Variants in RASGEF1B observed in about 807,000 individuals in gnomAD.
The protein encoded by RASGEF1B is ras-GEF domain-containing family member 1B.
A neutral mutation model predicts 65.7 loss-of-function variants in RASGEF1B; 30 were observed. The observed-to-expected ratio is 0.46, with a 90% CI of 0.34 to 0.62. RASGEF1B has a LOEUF of 0.62. Among genes scored for constraint, RASGEF1B ranks in the 20% least tolerant of loss-of-function variants. The pLI is 0.01. For synonymous variants in RASGEF1B, 175 were observed against 194.8 expected (o/e 0.90, Z 0.85); for missense variants, 495 against 580.1 (o/e 0.85, Z 1.51).
At chr4:81,435,387 C>T (rs1194757182) in intron 10 of RASGEF1B, among the ~76,000 whole-genome samples, 8 of 138,388 alleles carry the variant, frequency 5.8e-5, no homozygotes, top group Admixed American at 1.5e-4. Context: ...GTCCGCAGTC[C>T]GGCCTGGGCG....
intron 1 of RASGEF1B, among the ~76,000 whole-genome samples, chr4:81,470,824 T>C (rs2110003797): frequency 6.6e-6 from 1 of 152,268 alleles, no homozygotes; most frequent in South Asian, 2.1e-4. Context: ...GCTACGTTGC[T>C]TTTGCCTGAA....
chr4:81,435,463 A>ATTTTTTTT (rs1200565994), intron 10 of RASGEF1B, among the ~76,000 whole-genome samples: 1 of 78,358 alleles, frequency 1.3e-5, no homozygotes, highest in Non-Finnish European at 2.2e-5. Flanking sequence ...GCAGGCACCG[A>ATTTTTTTT]TTTTTTTTTT....
chr4:81,436,003 A>C (rs978470041), intron 10 of RASGEF1B, among the ~76,000 whole-genome samples: 2 of 150,882 alleles, frequency 1.3e-5, no homozygotes, highest in South Asian at 4.2e-4. Context: ...CTAGTCTCTA[A>C]CTCATGGGGG....
intron 1 of RASGEF1B, among the ~76,000 whole-genome samples, chr4:81,467,417 C>T (rs956269855): frequency 2.6e-5 from 4 of 152,162 alleles, no homozygotes; most frequent in African/African-American, 9.7e-5. Context: ...GACATTTCGG[C>T]ACATAACCTG....
intron 1 of RASGEF1B, chr4:81,470,931 C>T (rs1329102115): frequency 6.5e-6 from 1 of 152,768 alleles, no homozygotes; most frequent in African/African-American, 2.4e-5. Context: ...CCCGTCTCGC[C>T]CTTTTCCCTG....
chr4:81,456,317 A>T (rs1403878564), intron 4 of RASGEF1B: 5 of 586,478 alleles, frequency 8.5e-6, no homozygotes, highest in Non-Finnish European at 1.5e-5. Flanking sequence ...CATGCCATTT[A>T]TCATCTAACT....
chr4:81,440,271 G>A (rs1721789851), intron 10 of RASGEF1B, among the ~76,000 whole-genome samples: 1 of 152,154 alleles, frequency 6.6e-6, no homozygotes, highest in Admixed American at 6.5e-5. Flanking sequence ...GTAGATGCAG[G>A]ATGGTACTAA....
chr4:81,436,579 C>T (rs959293731), intron 10 of RASGEF1B, among the ~76,000 whole-genome samples: 3 of 152,106 alleles, frequency 2.0e-5, no homozygotes, highest in African/African-American at 7.2e-5. Flanking sequence ...CATTTTCTCT[C>T]AAATGTCAAC....
intron 8 of RASGEF1B, among the ~76,000 whole-genome samples, 167 bp downstream of exon 8, chr4:81,445,359 A>G (rs1721979030): frequency 6.6e-6 from 1 of 152,228 alleles, no homozygotes; most frequent in Non-Finnish European, 1.5e-5. Flanking sequence ...GATTACACAC[A>G]TACTTGCACT....
At chr4:81,455,361 C>T (rs1722407841) in intron 4 of RASGEF1B, 2 of 152,156 alleles carry the variant, frequency 1.3e-5, no homozygotes, top group Admixed American at 1.3e-4. Flanking sequence ...TTGATTAAGC[C>T]AGAGAAGTCA....
chr4:81,445,332 C>T (rs1177818959), intron 8 of RASGEF1B, among the ~76,000 whole-genome samples, 194 bp downstream of exon 8: 3 of 152,178 alleles, frequency 2.0e-5, no homozygotes, highest in Non-Finnish European at 4.4e-5. Flanking sequence ...TCCAACAATT[C>T]TTGCATACTT....
At chr4:81,467,117 G>T (rs1381654174) in intron 1 of RASGEF1B, among the ~76,000 whole-genome samples, 3 of 137,386 alleles carry the variant, frequency 2.2e-5, no homozygotes, top group African/African-American at 8.9e-5. Context: ...ACAGTTAAGG[G>T]AGGAAAAAAA....
intron 4 of RASGEF1B, chr4:81,451,149 A>G (rs1388213746): frequency 6.6e-6 from 1 of 152,180 alleles, no homozygotes; most frequent in African/African-American, 2.4e-5. Flanking sequence ...CAGTCAGTAA[A>G]GCCTGTTTAC....
rs58466408 is a variant in RASGEF1B at position 81,442,179 on chromosome 4, T to C, written c.1008+118A>G. ...ACCCACTTTCCTTTCCCTGGGTCTG[T>C]AAAGATAGATGGGCTTTTTCCTCTG... On this transcript the variant is annotated intron_variant, in intron 9 of 13. Transcript: ENST00000264400. 3,039 of 719,878 alleles carry C rather than the reference T, an allele frequency of 4.2e-3. 61 individuals are homozygous for C. In the African/African-American group the frequency reaches 0.048, roughly 11 times the overall value. The allele number at this position is 719,878 out of a possible 1,614,324, so 44.6% of individuals were successfully genotyped here. A position where few individuals can be genotyped will look rare whatever the true frequency, so the allele number is the denominator to read the frequency against.
chr4:81,436,747 G>A (rs1578614944), intron 10 of RASGEF1B, among the ~76,000 whole-genome samples: 1 of 152,144 alleles, frequency 6.6e-6, no homozygotes, highest in East Asian at 1.9e-4. Flanking sequence ...ATACTTTTGG[G>A]CTCACACACA....
intron 1 of RASGEF1B, among the ~76,000 whole-genome samples, chr4:81,461,472 C>G (rs531995989): frequency 6.6e-6 from 1 of 152,290 alleles, no homozygotes; most frequent in African/African-American, 2.4e-5. Context: ...TTCATTGGAG[C>G]ACTTACTCAT....
intron 2 of RASGEF1B, among the ~76,000 whole-genome samples, chr4:81,458,767 G>A (rs1578637094): frequency 2.0e-5 from 3 of 152,198 alleles, no homozygotes; most frequent in Admixed American, 2.0e-4. Flanking sequence ...CTTCCCTCTT[G>A]GAATTACTGT....
chr4:81,456,922 C>G (rs1578635336), intron 3 of RASGEF1B, 134 bp from the exon 4 acceptor site: 1 of 749,410 alleles, frequency 1.3e-6, no homozygotes, highest in Non-Finnish European at 2.1e-6. Flanking sequence ...TCCAGCCCCC[C>G]TCCCTCCATG....
At chr4:81,451,477 C>T (rs1722254595) in intron 4 of RASGEF1B, 1 of 152,176 alleles carries the variant, frequency 6.6e-6, no homozygotes, top group African/African-American at 2.4e-5. Context: ...AAAAGCCATA[C>T]ACACTACTTT....
Sources: gnomAD v4.1 joint callset for allele counts (sites outside exome capture counted in the v4.1 genomes callset) on GRCh38, gnomAD v4.1.1 for gene constraint, MANE v1.5 for transcripts, NCBI Gene and HGNC (gene_info 2026-07-23, HGNC 2026-07-21) for gene names.